The following DUSP11 variants were observed in gnomAD, a reference collection of about 807,000 sequenced individuals.
DUSP11 encodes the protein dual specificity phosphatase 11.
Under a neutral mutation model 41.4 loss-of-function variants are expected in DUSP11, and 27 were observed. The observed-to-expected ratio is 0.65, with a 90% CI of 0.48 to 0.90. The LOEUF is 0.90. DUSP11 is among the 40% of genes least tolerant of loss of function. The pLI, the probability that DUSP11 is intolerant of heterozygous loss-of-function variation, is 0.00. For missense variants in DUSP11, 465 were observed against 461.1 expected (o/e 1.01, Z -0.08); for synonymous variants, 188 against 159.3 (o/e 1.18, Z -1.35).
intron 2 of DUSP11, 55 bp from the exon 3 acceptor site, chr2:73,775,099 T>A (rs1246088655): frequency 3.4e-6 from 5 of 1,486,106 alleles, no homozygotes; most frequent in Non-Finnish European, 4.6e-6. Context: ...TGTACTACAT[T>A]AGGCATTTAT....
chr2:73,766,591 A>G (rs376540529), exon 8 of DUSP11: 226 of 1,606,688 alleles, frequency 1.4e-4, no homozygotes, highest in East Asian at 1.1e-3. Flanking sequence ...TGGAATTCCA[A>G]TTCCTTAAAG....
chr2:73,774,441 G>A (rs909669439), intron 3 of DUSP11, among the ~76,000 whole-genome samples: 3 of 152,202 alleles, frequency 2.0e-5, no homozygotes, highest in Non-Finnish European at 2.9e-5. Context: ...GTATAGTTCA[G>A]TGGCATTACA....
At position 73,766,603 on chromosome 2, in the gene DUSP11, G is replaced by C. The variant is rs201091075; in HGVS notation, c.759-9C>G. On this transcript the variant is annotated splice_polypyrimidine_tract_variant and intron_variant, in intron 7 of 8. Transcript: ENST00000272444. ...CACTGGAATTCCAATTCCTTAAAGA[G>C]AATATTTTCCACACAATATTACTGG... is the stretch of plus-strand genomic sequence containing the variant. 1.3e-6 allele frequency: 2 copies of C among 1,599,268 alleles called. No individual in the cohort carries two copies. The highest frequency in any genetic ancestry group is 2.3e-5 in the South Asian group (2 of 87,806).
intron 6 of DUSP11, 81 bp from the exon 7 acceptor site, chr2:73,766,984 T>C (rs1672478465): frequency 4.4e-6 from 6 of 1,350,714 alleles, no homozygotes; most frequent in African/African-American, 1.4e-5. Flanking sequence ...TGAAATTCAC[T>C]ATTCAAGCTG....
chr2:73,765,540 C>G (rs1480073710), intron 8 of DUSP11, among the ~76,000 whole-genome samples: 1 of 152,040 alleles, frequency 6.6e-6, no homozygotes, highest in Non-Finnish European at 1.5e-5. Context: ...AAAAGCTCCT[C>G]CTCCCATCCA....
At chr2:73,766,522 A>G (rs974541771) in exon 8 of DUSP11, 1 of 1,613,976 alleles carries the variant, frequency 6.2e-7, no homozygotes. Context: ...TAACAGGCTT[A>G]TTGTGGACTG....
intron 5 of DUSP11, 124 bp from the exon 6 acceptor site, chr2:73,767,331 C>A: frequency 2.7e-6 from 2 of 735,600 alleles, no homozygotes; most frequent in Non-Finnish European, 4.6e-6. Context: ...ATCAGCACAT[C>A]AAATCCAGCA....
chr2:73,773,532 AT>A, intron 4 of DUSP11: 1 of 376,878 alleles, frequency 2.7e-6, no homozygotes, highest in Non-Finnish European at 5.0e-6. Context: ...TAACATTTTA[AT>A]TTTATATATT....
exon 4 of DUSP11, chr2:73,773,905 G>A: frequency 1.2e-6 from 2 of 1,601,862 alleles, no homozygotes; most frequent in Non-Finnish European, 1.7e-6. Flanking sequence ...TTTAAGTAAG[G>A]AACAGTTTCT....
rs1357865266 is a variant in DUSP11, at chr2:73,767,212, C to T, written c.636-5G>A. ...CCTTCTACATCAATCAAATATCTAA[C>T]AAAACAACATAATTTGGGTCATTTA... On this transcript the variant is annotated splice_region_variant and splice_polypyrimidine_tract_variant and intron_variant, in intron 5 of 8. Transcript: ENST00000272444. The T allele has an allele frequency of 2.5e-6, 4 of 1,609,200 alleles. No homozygotes were observed. The highest frequency in any genetic ancestry group is 3.4e-6 in the Non-Finnish European group (4 of 1,177,486).
At chr2:73,765,418 G>A (rs1302850711) in intron 8 of DUSP11, among the ~76,000 whole-genome samples, 2 of 152,188 alleles carry the variant, frequency 1.3e-5, no homozygotes, top group Admixed American at 6.5e-5. Flanking sequence ...GTGGTTCTGA[G>A]GCTTTCTGAG....
At chr2:73,776,387 C>G (rs1044344971) in intron 2 of DUSP11, among the ~76,000 whole-genome samples, 1 of 142,054 alleles carries the variant, frequency 7.0e-6, no homozygotes, top group Non-Finnish European at 1.5e-5. Context: ...TGCACTCCAG[C>G]CTGGGCGACA....
intron 4 of DUSP11, among the ~76,000 whole-genome samples, chr2:73,772,781 G>C (rs781745543): frequency 7.2e-5 from 11 of 152,202 alleles, no homozygotes; most frequent in Non-Finnish European, 1.3e-4. Flanking sequence ...CACATTAAGT[G>C]AGCGACTAGG....
At chr2:73,776,804 C>T (rs751665042) in intron 2 of DUSP11, among the ~76,000 whole-genome samples, 2 of 152,156 alleles carry the variant, frequency 1.3e-5, no homozygotes, top group Non-Finnish European at 2.9e-5. Context: ...GAGCTTAGTG[C>T]AGAATAAGCA....
intron 2 of DUSP11, among the ~76,000 whole-genome samples, chr2:73,777,553 A>G (rs1672709492): frequency 1.3e-5 from 2 of 152,150 alleles, no homozygotes; most frequent in East Asian, 1.9e-4. Context: ...CAAAAATACA[A>G]TCTTCAGATT....
intron 4 of DUSP11, 131 bp downstream of exon 4, chr2:73,773,669 C>A (rs900907459): frequency 1.2e-5 from 11 of 904,696 alleles, no homozygotes; most frequent in Non-Finnish European, 1.7e-5. Context: ...CCTATTAGCA[C>A]CATCTGACAT....
intron 1 of DUSP11, among the ~76,000 whole-genome samples, chr2:73,778,649 A>G (rs1018907597): frequency 4.6e-5 from 7 of 152,242 alleles, no homozygotes; most frequent in African/African-American, 1.7e-4. Context: ...GAACTTCTGT[A>G]TCCCTGTTAA....
intron 7 of DUSP11, 78 bp from the exon 8 acceptor site, chr2:73,766,672 T>C (rs1672472740): frequency 2.7e-6 from 4 of 1,468,628 alleles, no homozygotes; most frequent in African/African-American, 1.4e-5. Context: ...TTTTGGCATA[T>C]GAAAATAACA....
At chr2:73,778,088 A>AT (rs1171083423) in intron 2 of DUSP11, among the ~76,000 whole-genome samples, 1 of 151,772 alleles carries the variant, frequency 6.6e-6, no homozygotes, top group African/African-American at 2.4e-5. Flanking sequence ...CTTTTATTTT[A>AT]TTTTTTATAT....
Sources: gnomAD v4.1 joint callset for allele counts (sites outside exome capture counted in the v4.1 genomes callset) on GRCh38, gnomAD v4.1.1 for gene constraint, MANE v1.5 for transcripts, NCBI Gene and HGNC (gene_info 2026-07-23, HGNC 2026-07-21) for gene names.